The following TGFBR2 variants were observed in gnomAD, a reference collection of about 807,000 sequenced individuals.
TGFBR2 encodes the protein transforming growth factor beta receptor 2.
TGFBR2 carries 18 observed loss-of-function variants against 49.0 expected under a neutral mutation model. The observed-to-expected ratio is 0.37, with a 90% CI of 0.25 to 0.54. The LOEUF (loss-of-function observed/expected upper bound fraction) is 0.54. Among genes scored for constraint, TGFBR2 ranks in the 20% least tolerant of loss-of-function variants. The pLI is 0.85. For missense variants in TGFBR2, 525 were observed against 722.6 expected (o/e 0.73, Z 3.13); for synonymous variants, 282 against 275.9 (o/e 1.02, Z -0.22).
rs554704101 is a variant in TGFBR2 at position 30,620,539 on chromosome 3, A to G, written c.94+13562A>G. ...TACAGTGGAGACTTGCTCTGTCTGC[A>G]GTCTTTAGTTTCTGTGAATTTTGGG... On this transcript the variant is annotated intron_variant, in intron 1 of 6. Coordinates refer to ENST00000295754, the MANE Select transcript of TGFBR2 (RefSeq NM_003242.6). 1.4e-4 allele frequency among the ~76,000 whole-genome samples: 22 copies of G among 152,088 alleles called. No individual in the cohort carries two copies. In the East Asian group the frequency reaches 4.1e-3, roughly 28 times the overall value.
At chr3:30,616,480 C>G (rs1698136066) in intron 1 of TGFBR2, among the ~76,000 whole-genome samples, 2 of 152,142 alleles carry the variant, frequency 1.3e-5, no homozygotes, top group Admixed American at 6.5e-5. Flanking sequence ...CTGGTAAAGA[C>G]TAAGGTATGT....
chr3:30,669,644 C>T (rs1699304873), intron 3 of TGFBR2, among the ~76,000 whole-genome samples: 1 of 152,174 alleles, frequency 6.6e-6, no homozygotes, highest in South Asian at 2.1e-4. Context: ...TCAGCACCAT[C>T]TGGTCTGTTC....
intron 5 of TGFBR2, 93 bp downstream of exon 5, chr3:30,674,339 C>T: frequency 6.6e-7 from 1 of 1,514,182 alleles, no homozygotes; most frequent in Non-Finnish European, 9.1e-7. Flanking sequence ...GGTTACAAAG[C>T]AGTTATTAGA....
At chr3:30,620,330 G>C (rs979598135) in intron 1 of TGFBR2, among the ~76,000 whole-genome samples, 1 of 152,154 alleles carries the variant, frequency 6.6e-6, no homozygotes, top group African/African-American at 2.4e-5. Flanking sequence ...GGAATTCATT[G>C]CTTTTAAAGG....
At chr3:30,638,095 G>A (rs764849070) in intron 1 of TGFBR2, among the ~76,000 whole-genome samples, 3 of 152,134 alleles carry the variant, frequency 2.0e-5, no homozygotes, top group East Asian at 1.9e-4. Context: ...GACATGCTTC[G>A]CTTTTAGAGC....
chr3:30,615,801 A>G (rs555308761), intron 1 of TGFBR2, among the ~76,000 whole-genome samples: 43 of 152,270 alleles, frequency 2.8e-4, no homozygotes, highest in African/African-American at 1.0e-3. Flanking sequence ...AAGCAGTTGC[A>G]TAATCATAAC....
intron 1 of TGFBR2, among the ~76,000 whole-genome samples, chr3:30,617,072 T>C (rs1698146368): frequency 7.5e-6 from 1 of 133,460 alleles, no homozygotes; most frequent in Non-Finnish European, 1.7e-5. Context: ...GGAACTTTCA[T>C]ATTTTTTGGG....
intron 6 of TGFBR2, among the ~76,000 whole-genome samples, chr3:30,689,358 T>C (rs566676972): frequency 8.9e-4 from 136 of 152,298 alleles, no homozygotes; most frequent in African/African-American, 3.1e-3. Flanking sequence ...GAGAGAACAG[T>C]GTGGCCCTAT....
chr3:30,614,865 A>G (rs892769268), intron 1 of TGFBR2, among the ~76,000 whole-genome samples: 5 of 152,182 alleles, frequency 3.3e-5, no homozygotes, highest in African/African-American at 1.2e-4. Context: ...GTCTGCCTTA[A>G]TTGACATAAA....
intron 3 of TGFBR2, among the ~76,000 whole-genome samples, chr3:30,660,606 C>T (rs914827080): frequency 5.3e-5 from 8 of 152,040 alleles, no homozygotes; most frequent in South Asian, 4.1e-4. Context: ...ATTATGCCTT[C>T]GAAGGTTAGA....
At chr3:30,667,852 C>A (rs1400754958) in intron 3 of TGFBR2, among the ~76,000 whole-genome samples, 2 of 152,058 alleles carry the variant, frequency 1.3e-5, no homozygotes, top group African/African-American at 2.4e-5. Flanking sequence ...AAAAAATTGA[C>A]TACATATTCA....
chr3:30,637,004 T>C (rs1292292695), intron 1 of TGFBR2, among the ~76,000 whole-genome samples: 46 of 148,434 alleles, frequency 3.1e-4, no homozygotes, highest in East Asian at 1.0e-3. Flanking sequence ...GCAGAGCTTA[T>C]AGTGAGCCGA....
rs1698003240 is a variant in TGFBR2, at chr3:30,610,206, A to AT, written c.94+3232dup. Among the ~76,000 whole-genome samples, 3 of 152,334 alleles carry AT rather than the reference A, an allele frequency of 2.0e-5. No homozygotes were observed. The South Asian group carries it at 6.2e-4, about 32-fold the overall frequency. The stretch of plus-strand genomic sequence containing the variant: ...AGACAGACCTGGTCTTTGCCATTGA[A>AT]TTTAACAGCTGGGAGCATGTTATAA... On this transcript the variant is annotated intron_variant, in intron 1 of 6. Coordinates refer to ENST00000295754, the MANE Select transcript of TGFBR2 (RefSeq NM_003242.6).
chr3:30,628,722 T>G (rs571714854), intron 1 of TGFBR2, among the ~76,000 whole-genome samples: 1 of 151,956 alleles, frequency 6.6e-6, no homozygotes, highest in Admixed American at 6.5e-5. Context: ...GGCTCAGGGA[T>G]TTGCATTTTG....
intron 2 of TGFBR2, among the ~76,000 whole-genome samples, chr3:30,647,631 T>C (rs1698769078): frequency 1.3e-5 from 2 of 152,142 alleles, no homozygotes; most frequent in African/African-American, 4.8e-5. Flanking sequence ...ATAAAATGCT[T>C]AAGCTGCCTC....
rs1290691152 is a variant in TGFBR2 at position 30,672,885 on chromosome 3, A to C, written c.1254+448A>C. 6.6e-6 allele frequency among the ~76,000 whole-genome samples: 1 copy of C among 152,232 alleles called. No homozygotes were observed. The highest frequency in any genetic ancestry group is 1.9e-4 in the East Asian group (1 of 5,202). ...AGTCCAAATCTACATCCACATGGTCACCCAAGATATGTAGCACAATGCCTT... is the reference window on the plus strand; with the variant it reads ...AGTCCAAATCTACATCCACATGGTCCCCCAAGATATGTAGCACAATGCCTT... On this transcript the variant is annotated intron_variant, in intron 4 of 6. Transcript: ENST00000295754. This position sits in a 1 kb window ranked among gnomAD's most constrained non-coding sequence, Gnocchi z 4.5.
intron 3 of TGFBR2, among the ~76,000 whole-genome samples, chr3:30,665,179 A>T (rs547882119): frequency 6.6e-6 from 1 of 152,328 alleles, no homozygotes. Context: ...ACTGGCTGAG[A>T]TCCAAAGAAG....
chr3:30,610,237 G>T (rs1347125912), intron 1 of TGFBR2, among the ~76,000 whole-genome samples: 1 of 152,188 alleles, frequency 6.6e-6, no homozygotes, highest in African/African-American at 2.4e-5. Context: ...TATAAGTAAA[G>T]AAAAGGATAC....
chr3:30,616,421 TA>T lies in TGFBR2; in HGVS notation c.94+9445del, dbSNP rs2125447690. Among the ~76,000 whole-genome samples the T allele has an allele frequency of 1.3e-5, 2 of 152,296 alleles. 1 individual carries two copies. Among genetic ancestry groups the T allele is most frequent in the South Asian group, 4.1e-4 (2 of 4,828 alleles). On this transcript the variant is annotated intron_variant, in intron 1 of 6. Coordinates refer to ENST00000295754, the MANE Select transcript of TGFBR2 (RefSeq NM_003242.6). ...CCTTCATCTTGGATGAAAGATAACC[TA>T]GCTCTGACCCTTAGTTTGAGATTAG...
Sources: gnomAD v4.1 joint callset for allele counts (sites outside exome capture counted in the v4.1 genomes callset) on GRCh38, gnomAD v4.1.1 for gene constraint, Gnocchi (gnomAD v3.1) non-coding constraint, MANE v1.5 for transcripts, NCBI Gene and HGNC (gene_info 2026-07-23, HGNC 2026-07-21) for gene names.